Variants in ACSM3 observed in about 807,000 individuals in gnomAD.
ACSM3 encodes acyl-coenzyme A synthetase ACSM3, mitochondrial.
ACSM3 carries 61 observed loss-of-function variants against 74.1 expected under a neutral mutation model. That is an observed-to-expected ratio of 0.82 (90% CI 0.67 to 1.02). ACSM3 has a LOEUF of 1.02. Among genes scored for constraint, ACSM3 ranks in the 50% least tolerant of loss-of-function variants. The pLI is 0.00. For missense variants in ACSM3, 660 were observed against 697.0 expected (o/e 0.95, Z 0.60); for synonymous variants, 213 against 241.5 (o/e 0.88, Z 1.09).
intron 1 of ACSM3, chr16:20,685,298 T>C (rs758677936): frequency 9.9e-6 from 16 of 1,614,080 alleles, no homozygotes; most frequent in Middle Eastern, 3.3e-4. Context: ...GTGAAGACGT[T>C]GGCTACACGG....
intron 1 of ACSM3, among the ~76,000 whole-genome samples, chr16:20,699,839 A>G (rs2152354216): frequency 6.6e-6 from 1 of 152,248 alleles, no homozygotes; most frequent in African/African-American, 2.4e-5. Context: ...CAATTTTCTC[A>G]TCTTTAACAA....
At chr16:20,794,947 C>A (rs991275156) in intron 12 of ACSM3, among the ~76,000 whole-genome samples, 1 of 152,190 alleles carries the variant, frequency 6.6e-6, no homozygotes, top group African/African-American at 2.4e-5. Context: ...TTGTAGAAAT[C>A]GTCAATATGT....
chr16:20,730,106 C>T (rs1325737116), intron 1 of ACSM3, among the ~76,000 whole-genome samples: 1 of 152,156 alleles, frequency 6.6e-6, no homozygotes, highest in African/African-American at 2.4e-5. Flanking sequence ...GCTGATCGGC[C>T]AGACTTGGAT....
chr16:20,767,751 A>G (rs111386476), intron 1 of ACSM3, among the ~76,000 whole-genome samples: 32 of 152,198 alleles, frequency 2.1e-4, no homozygotes, highest in Non-Finnish European at 3.8e-4. Flanking sequence ...GCTCTGGTAG[A>G]ACTTACATCA....
chr16:20,774,648 T>TG, intron 2 of ACSM3, among the ~76,000 whole-genome samples: 1 of 152,230 alleles, frequency 6.6e-6, no homozygotes, highest in East Asian at 1.9e-4. Context: ...ATCTTTTAAC[T>TG]GGGGAATTTA....
At chr16:20,796,842 G>T in intron 13 of ACSM3, 44 bp from the exon 14 acceptor site, 1 of 1,605,764 alleles carries the variant, frequency 6.2e-7, no homozygotes, top group Non-Finnish European at 8.5e-7. Context: ...TTTATGTAAA[G>T]ATAAAAATTT....
In ACSM3 at chr16:20,737,755, C is replaced by T. The variant is rs764908847; in HGVS notation, c.-189-12155C>T. ...TTCTCTATTCACATGACTGTTATTT[C>T]GAGATTTGTACACAATCTGAAATGT... On this transcript the variant is annotated intron_variant, in intron 1 of 3. Transcript: ENST00000561584. The T allele has an allele frequency of 5.6e-6, 9 of 1,613,642 alleles. 1 individual carries two copies. Among genetic ancestry groups the T allele is most frequent in the East Asian group, 4.5e-5 (2 of 44,806 alleles).
intron 1 of ACSM3, chr16:20,737,289 G>T: frequency 6.3e-7 from 1 of 1,599,714 alleles, no homozygotes; most frequent in Non-Finnish European, 8.5e-7. Flanking sequence ...CACTATTCCT[G>T]TAACAAAAAC....
At chr16:20,691,010 GC>G (rs1567314964) in intron 1 of ACSM3, 1 of 1,609,446 alleles carries the variant, frequency 6.2e-7, no homozygotes, top group Non-Finnish European at 8.5e-7. Context: ...CTCCTTTTGA[GC>G]CCAGTAGTCC....
At chr16:20,710,335 T>G (rs1274940307) in intron 1 of ACSM3, among the ~76,000 whole-genome samples, 8 of 152,182 alleles carry the variant, frequency 5.3e-5, no homozygotes, top group Non-Finnish European at 1.0e-4. Context: ...CATTTTGGGT[T>G]GTATAATCTA....
chr16:20,742,122 A>G (rs1403606379), intron 1 of ACSM3: 1 of 1,154,172 alleles, frequency 8.7e-7, no homozygotes, highest in Non-Finnish European at 1.1e-6. Flanking sequence ...ACTGTGGAGG[A>G]AAAGTTAAAT....
intron 1 of ACSM3, chr16:20,737,384 A>G: frequency 7.9e-7 from 1 of 1,261,822 alleles, no homozygotes; most frequent in Non-Finnish European, 1.1e-6. Context: ...AAAACAAGAC[A>G]TACAGTAATC....
chr16:20,691,766 T>C lies in ACSM3; in HGVS notation c.-190+16944T>C, dbSNP rs1188481663. Among the ~76,000 whole-genome samples, 252 of 54,004 alleles carry C rather than the reference T, an allele frequency of 4.7e-3. 2 individuals are homozygous for C. Among genetic ancestry groups the C allele is most frequent in the African/African-American group, 6.0e-3 (152 of 25,348 alleles). 35.4% of individuals were successfully genotyped at this position (54,004 alleles called of 152,430 possible). ...TACCTCTCCAATGTGTGTGTGTGTG[T>C]GTGTGTGTGTGTGTGTGTGTGTGTG... is the stretch of plus-strand genomic sequence containing the variant. On this transcript the variant is annotated intron_variant, in intron 1 of 3. Transcript: ENST00000561584.
chr16:20,737,342 A>G, intron 1 of ACSM3: 1 of 1,512,648 alleles, frequency 6.6e-7, no homozygotes. Context: ...CATCTGATAG[A>G]TACAAAAAAT....
intron 1 of ACSM3, among the ~76,000 whole-genome samples, chr16:20,767,969 C>T (rs1473218110): frequency 6.6e-6 from 1 of 152,106 alleles, no homozygotes; most frequent in Admixed American, 6.6e-5. Flanking sequence ...ACAGCCATGC[C>T]AAAATTTATT....
At chr16:20,736,874 G>C in intron 1 of ACSM3, 1 of 1,611,772 alleles carries the variant, frequency 6.2e-7, no homozygotes, top group Non-Finnish European at 8.5e-7. Context: ...AACACCAAAT[G>C]ACTTCCTATG....
At chr16:20,741,728 A>T in intron 1 of ACSM3, 1 of 1,572,220 alleles carries the variant, frequency 6.4e-7, no homozygotes, top group Non-Finnish European at 8.6e-7. Flanking sequence ...TCTGCTGGGC[A>T]GGGGCCGCCA....
chr16:20,715,089 A>T (rs773332945), intron 1 of ACSM3, among the ~76,000 whole-genome samples: 6 of 152,214 alleles, frequency 3.9e-5, no homozygotes, highest in Non-Finnish European at 7.3e-5. Flanking sequence ...AGATTTCCAT[A>T]CTGGATTGAG....
At chr16:20,783,766 T>G (rs2080405627) in intron 7 of ACSM3, among the ~76,000 whole-genome samples, 1 of 151,802 alleles carries the variant, frequency 6.6e-6, no homozygotes, top group Non-Finnish European at 1.5e-5. Flanking sequence ...TTGTCTATTC[T>G]CCCTGAAAAT....
Sources: gnomAD v4.1 joint callset for allele counts (sites outside exome capture counted in the v4.1 genomes callset) on GRCh38, gnomAD v4.1.1 for gene constraint, MANE v1.5 for transcripts, NCBI Gene and HGNC (gene_info 2026-07-23, HGNC 2026-07-21) for gene names.